The following NUMBL variants were observed in gnomAD, a reference collection of about 807,000 sequenced individuals.
NUMBL encodes NUMB like endocytic adaptor protein.
NUMBL carries 20 observed loss-of-function variants against 48.9 expected under a neutral mutation model. The ratio of observed to expected loss-of-function variants is 0.41; its 90% CI spans 0.29 to 0.59. The LOEUF is 0.59. Among genes scored for constraint, NUMBL ranks in the 20% least tolerant of loss-of-function variants. The pLI is 0.31. For synonymous variants in NUMBL, 340 were observed against 348.7 expected, an observed-to-expected ratio of 0.98 and a Z score of 0.28; for missense variants, 660 against 846.2, an observed-to-expected ratio of 0.78 and a Z score of 2.73.
Position 40,667,845 on chromosome 19 carries a change from G to A in NUMBL, c.1453C>T (p.His485Tyr), listed in dbSNP as rs2081820750. The A allele has an allele frequency of 1.3e-6, 2 of 1,591,822 alleles. No homozygotes were observed. The highest frequency in any genetic ancestry group is 1.8e-5 in the Admixed American group (1 of 56,814). The change falls in exon 10 of 10, where the codon CAC (histidine) becomes TAC (tyrosine). Residue 485 changes from histidine to tyrosine, a missense_variant. Physicochemically the swap from His to Tyr is moderately conservative, Grantham distance 83. Coordinates refer to ENST00000252891, the MANE Select transcript of NUMBL (RefSeq NM_004756.5). This position sits in a 1 kb window ranked among gnomAD's most constrained non-coding sequence, Gnocchi z 6.1. ...AQVAVFLPPP[H>Y]MQPPFVPAYP... ...GCGGGCACAAAAGGGGGCTGCATGT[G>A]TGGGGGTGGCAGGAACACGGCCACT...
At chr19:40,684,243 T>C (rs2081921614) in intron 3 of NUMBL, 174 bp downstream of exon 3, 2 of 658,930 alleles carry the variant, frequency 3.0e-6, no homozygotes, top group Non-Finnish European at 4.9e-6. Context: ...TAATTTGTTG[T>C]ATTTCTAGTA....
intron 5 of NUMBL, among the ~76,000 whole-genome samples, chr19:40,681,972 C>G (rs1166759960): frequency 6.6e-6 from 1 of 151,958 alleles, no homozygotes; most frequent in East Asian, 1.9e-4. Flanking sequence ...CGTGCCCAGC[C>G]CACATTTAAA....
chr19:40,667,548 A>T lies in NUMBL; in HGVS notation c.1750T>A (p.Leu584Ile). Reference protein sequence around the residue: ...LDPFEAQWAALEGKATVEKPS... With the variant: ...LDPFEAQWAAIEGKATVEKPS... ...TTCTCTACAGTGGCTTTGCCTTCTA[A>T]TGCCGCCCACTGGGCCTCAAAGGGG... The change falls in exon 10 of 10, where the codon TTA becomes ATA. Residue 584 changes from leucine to isoleucine, a missense_variant. This residue lies in a region of NUMBL where 296 missense variants were observed against 339.7 expected (regional missense o/e 0.87). Transcript: ENST00000252891. The surrounding 1 kb of genome is among the most constrained non-coding windows in gnomAD (Gnocchi z 6.1). 2.6e-6 allele frequency: 4 copies of T among 1,566,228 alleles called. No homozygotes were observed. The highest frequency in any genetic ancestry group is 3.5e-6 in the Non-Finnish European group (4 of 1,154,822).
At chr19:40,679,945 C>T (rs2081896400) in intron 6 of NUMBL, among the ~76,000 whole-genome samples, 2 of 151,646 alleles carry the variant, frequency 1.3e-5, no homozygotes, top group Non-Finnish European at 2.9e-5. Flanking sequence ...GAATTGTACA[C>T]TTTTAAATGA....
Position 40,686,933 on chromosome 19 carries a change from T to C in NUMBL, c.87A>G (p.Pro29=). ...CACCTGGCTCCGTCCTGCAGGTTTC[T>C]GGGGGCCCCGGGGCCCCACAGGGGG... ...PPAPCGAPGP[P]ETCRTEPDGA... Residue 29 remains proline (P), a synonymous_variant, in exon 2 of 10, where the codon CCA becomes CCG. Coordinates refer to ENST00000252891, the MANE Select transcript of NUMBL (RefSeq NM_004756.5). 2.6e-6 allele frequency: 4 copies of C among 1,544,610 alleles called. No individual in the cohort carries two copies. Among genetic ancestry groups the C allele is most frequent in the Non-Finnish European group, 3.5e-6 (4 of 1,142,168 alleles).
In NUMBL at chr19:40,687,924, C is replaced by T. The variant is rs1280550737; in HGVS notation, c.25-929G>A. On this transcript the variant is annotated intron_variant, in intron 1 of 9. Coordinates refer to ENST00000252891, the MANE Select transcript of NUMBL (RefSeq NM_004756.5). This position sits in a 1 kb window ranked among gnomAD's most constrained non-coding sequence, Gnocchi z 4.6. ...CACTGTTTTTGGCCACACACTGTCA[C>T]GTGGTCACACATACTCAGTCATAGG... Among the ~76,000 whole-genome samples the T allele has an allele frequency of 2.6e-5, 4 of 152,178 alleles. No individual in the cohort carries two copies. Among genetic ancestry groups the T allele is most frequent in the Non-Finnish European group, 4.4e-5 (3 of 68,034 alleles).
At chr19:40,678,555 C>T (rs926039334) in intron 6 of NUMBL, among the ~76,000 whole-genome samples, 1 of 152,164 alleles carries the variant, frequency 6.6e-6, no homozygotes, top group Non-Finnish European at 1.5e-5. Context: ...CATCTGCAAA[C>T]CAGGAAAAGA....
intron 1 of NUMBL, 36 bp downstream of exon 1, chr19:40,690,424 C>A: frequency 8.4e-7 from 1 of 1,194,078 alleles, no homozygotes; most frequent in Non-Finnish European, 1.1e-6. Flanking sequence ...AGCGGCGCCG[C>A]CCCCGACCCG....
chr19:40,685,107 A>G, intron 2 of NUMBL: 1 of 155,634 alleles, frequency 6.4e-6, no homozygotes, highest in Non-Finnish European at 1.4e-5. Context: ...TGTCTCTGGA[A>G]CTCTGAGACA....
In NUMBL at chr19:40,690,570, C is replaced by A. The variant is rs562571746; in HGVS notation, c.-87G>T. On this transcript the variant is annotated 5_prime_UTR_variant, in exon 1 of 10. Transcript: ENST00000252891. ...TGCTGCGGTGGTGGCGGCGGCAGCT[C>A]GGTCTGACGCCGGCCAGGGCCCGGG... 2.0e-5 allele frequency: 16 copies of A among 814,248 alleles called. No individual in the cohort carries two copies. Among genetic ancestry groups the A allele is most frequent in the South Asian group, 5.4e-5 (1 of 18,400 alleles). 50.4% of individuals were successfully genotyped at this position (814,248 alleles called of 1,614,324 possible).
At chr19:40,675,182 G>A (rs1042919149) in intron 7 of NUMBL, among the ~76,000 whole-genome samples, 1 of 142,892 alleles carries the variant, frequency 7.0e-6, no homozygotes, top group African/African-American at 2.6e-5. Context: ...TTAGCTGGAC[G>A]TGGTGGCGGG....
intron 6 of NUMBL, among the ~76,000 whole-genome samples, chr19:40,680,013 A>G (rs2081896722): frequency 6.6e-6 from 1 of 152,078 alleles, no homozygotes; most frequent in Non-Finnish European, 1.5e-5. Flanking sequence ...GGGGAATTCT[A>G]CTGCTTAATG....
At chr19:40,683,441 C>A (rs1185098512) in intron 3 of NUMBL, among the ~76,000 whole-genome samples, 1 of 152,234 alleles carries the variant, frequency 6.6e-6, no homozygotes, top group Non-Finnish European at 1.5e-5. Flanking sequence ...CACACTGCTG[C>A]AGTTTTAATA....
chr19:40,676,076 G>A (rs963086347), intron 7 of NUMBL, among the ~76,000 whole-genome samples: 1 of 152,098 alleles, frequency 6.6e-6, no homozygotes, highest in Non-Finnish European at 1.5e-5. Flanking sequence ...TGTTGCCCAG[G>A]TTGATTTCAT....
chr19:40,669,068 TGAG>T (rs758610991), intron 9 of NUMBL, among the ~76,000 whole-genome samples: 3 of 152,144 alleles, frequency 2.0e-5, no homozygotes, highest in Non-Finnish European at 4.4e-5. Flanking sequence ...GATTCTAGCA[TGAG>T]CACATGCCTC....
intron 6 of NUMBL, 97 bp from the exon 7 acceptor site, chr19:40,677,518 C>A: frequency 1.8e-6 from 2 of 1,102,354 alleles, no homozygotes; most frequent in East Asian, 2.5e-5. Context: ...TGGGTTGCCC[C>A]GGATGAGTCT....
intron 1 of NUMBL, 59 bp downstream of exon 1, chr19:40,690,401 C>T: frequency 1.9e-6 from 2 of 1,055,350 alleles, no homozygotes; most frequent in South Asian, 3.6e-5. Flanking sequence ...CTCCCACCCT[C>T]CGCCACATCA....
At chr19:40,683,123 A>T (rs2081914216) in intron 3 of NUMBL, 155 bp from the exon 4 acceptor site, 1 of 704,638 alleles carries the variant, frequency 1.4e-6, no homozygotes, top group African/African-American at 1.7e-5. Context: ...CAAGGTGGAG[A>T]CCCCATTCCT....
At chr19:40,681,574 A>G (rs2081905387) in intron 5 of NUMBL, among the ~76,000 whole-genome samples, 1 of 152,210 alleles carries the variant, frequency 6.6e-6, no homozygotes, top group Non-Finnish European at 1.5e-5. Context: ...TTGTGGCCTC[A>G]TAGTGCTTCC....
Sources: gnomAD v4.1 joint callset for allele counts (sites outside exome capture counted in the v4.1 genomes callset) on GRCh38, gnomAD v4.1.1 for gene constraint, gnomAD v4.1.1 regional missense constraint, Gnocchi (gnomAD v3.1) non-coding constraint, MANE v1.5 for transcripts, NCBI Gene and HGNC (gene_info 2026-07-23, HGNC 2026-07-21) for gene names.